PTH2R: variants seen among roughly 807,000 people sequenced by gnomAD.
PTH2R encodes PTH2 receptor.
A neutral mutation model predicts 60.3 loss-of-function variants in PTH2R; 59 were observed. The observed-to-expected ratio is 0.98, with a 90% CI of 0.79 to 1.22. The LOEUF (loss-of-function observed/expected upper bound fraction) is 1.22, where lower values mean the gene tolerates loss of function less well. PTH2R is among the 50% of genes most tolerant of loss of function. PTH2R has a pLI of 0.00. For missense variants in PTH2R, 749 were observed against 682.6 expected, an observed-to-expected ratio of 1.10 and a Z score of -1.08; for synonymous variants, 256 against 243.8, an observed-to-expected ratio of 1.05 and a Z score of -0.47.
At chr2:208,434,517 T>C (rs1702035194) in intron 2 of PTH2R, among the ~76,000 whole-genome samples, 1 of 152,226 alleles carries the variant, frequency 6.6e-6, no homozygotes. Flanking sequence ...TTTTAGAGCA[T>C]GAGGAAAAAA....
rs755233195 is a variant in PTH2R at position 208,460,956 on chromosome 2, T to G, written c.981+995T>G. ...ACTTTGTCAGAAGGGCAGCTATTAA[T>G]GTAGTTGAGGTATTGTAACCTCATC... On this transcript the variant is annotated intron_variant, in intron 9 of 12. Transcript: ENST00000272847. Among the ~76,000 whole-genome samples, 6 of 152,262 alleles carry G rather than the reference T, an allele frequency of 3.9e-5. No individual in the cohort carries two copies. In the South Asian group the frequency reaches 1.2e-3, roughly 32 times the overall value.
At chr2:208,399,919 C>T (rs1701277036) in intron 1 of PTH2R, among the ~76,000 whole-genome samples, 1 of 152,104 alleles carries the variant, frequency 6.6e-6, no homozygotes, top group African/African-American at 2.4e-5. Flanking sequence ...TTTTCCTTCC[C>T]AGCATGTAGT....
intron 1 of PTH2R, among the ~76,000 whole-genome samples, chr2:208,370,311 C>T (rs1025640075): frequency 3.3e-5 from 5 of 151,344 alleles, no homozygotes; most frequent in South Asian, 2.1e-4. Flanking sequence ...GGCATGGTGG[C>T]GGGCACCTGT....
chr2:208,467,442 T>C (rs547682501), intron 9 of PTH2R, among the ~76,000 whole-genome samples: 72 of 152,262 alleles, frequency 4.7e-4, no homozygotes, highest in Non-Finnish European at 7.2e-4. Context: ...TGCTAAGAGA[T>C]TGCAAAGAGA....
Position 208,437,587 on chromosome 2 carries a change from A to G in PTH2R, c.229A>G (p.Thr77Ala). 1.2e-6 allele frequency: 2 copies of G among 1,613,844 alleles called. No homozygotes were observed. The highest frequency in any genetic ancestry group is 1.7e-6 in the Non-Finnish European group (2 of 1,179,866). ...WDGLICWPRG[T>A]VGKISAVPCP... is the part of the protein sequence containing the mutation. ...TGGACTCATTTGTTGGCCCAGAGGAACAGTGGGGAAAATATCGGCTGTTCC... is the reference window on the plus strand; with the variant it reads ...TGGACTCATTTGTTGGCCCAGAGGAGCAGTGGGGAAAATATCGGCTGTTCC... Residue 77 changes from threonine (T) to alanine (A), a missense_variant, in exon 3 of 13, where the codon ACA (threonine) becomes GCA (alanine). Physicochemically the swap from Thr to Ala is moderately conservative, Grantham distance 58. Coordinates refer to ENST00000272847, the MANE Select transcript of PTH2R (RefSeq NM_005048.4).
At chr2:208,474,172 T>G (rs1373419782) in intron 9 of PTH2R, among the ~76,000 whole-genome samples, 1 of 152,212 alleles carries the variant, frequency 6.6e-6, no homozygotes, top group Non-Finnish European at 1.5e-5. Flanking sequence ...AAATTGGATA[T>G]TGTAATATCT....
At chr2:208,366,745 T>C (rs1700600947) in intron 1 of PTH2R, among the ~76,000 whole-genome samples, 1 of 152,234 alleles carries the variant, frequency 6.6e-6, no homozygotes, top group Non-Finnish European at 1.5e-5. Context: ...AAATAAAGTT[T>C]AGCATGAAGC....
At chr2:208,376,618 C>T (rs1331923454) in intron 1 of PTH2R, among the ~76,000 whole-genome samples, 1 of 151,982 alleles carries the variant, frequency 6.6e-6, no homozygotes, top group Non-Finnish European at 1.5e-5. Context: ...CTTCCTAGCC[C>T]ACACAATTAA....
At chr2:208,360,268 C>G (rs1026581854) in intron 1 of PTH2R, 1 of 422,634 alleles carries the variant, frequency 2.4e-6, no homozygotes, top group South Asian at 1.7e-5. Context: ...GTTCTCCCGC[C>G]TTCTGCGTGA....
At chr2:208,404,723 C>A (rs548268235), upstream of PTH2R, among the ~76,000 whole-genome samples, 7 of 152,206 alleles carry the variant, frequency 4.6e-5, no homozygotes, top group African/African-American at 1.7e-4. Context: ...AAAACCCTCG[C>A]CTTGGGGAGT....
At chr2:208,485,555 C>T (rs996288046) in intron 10 of PTH2R, among the ~76,000 whole-genome samples, 1 of 152,200 alleles carries the variant, frequency 6.6e-6, no homozygotes, top group Admixed American at 6.5e-5. Context: ...AGACCCATGA[C>T]CCATGTACAC....
At chr2:208,376,882 A>AT (rs924071846) in intron 1 of PTH2R, among the ~76,000 whole-genome samples, 31 of 150,206 alleles carry the variant, frequency 2.1e-4, no homozygotes, top group Admixed American at 1.2e-3. Context: ...TAATTAATTA[A>AT]TTTTTTTTTA....
chr2:208,459,793 G>T, intron 8 of PTH2R, 102 bp from the exon 9 acceptor site: 1 of 877,554 alleles, frequency 1.1e-6, no homozygotes, highest in Non-Finnish European at 1.9e-6. Context: ...TTTCTTAATT[G>T]GAAGTGTGGG....
In PTH2R at chr2:208,477,406, C is replaced by G. The variant is rs541485221; in HGVS notation, c.982-3664C>G. Among the ~76,000 whole-genome samples the G allele has an allele frequency of 4.6e-5, 7 of 152,264 alleles. 1 individual carries two copies. In the South Asian group the frequency reaches 1.5e-3, roughly 32 times the overall value. On this transcript the variant is annotated intron_variant, in intron 9 of 12. Coordinates refer to ENST00000272847, the MANE Select transcript of PTH2R (RefSeq NM_005048.4). ...GCCTGAGCAGCCGGCACTTCCATGG[C>G]TGAAATGTTTTCTTTGTTTTAGTTC...
intron 1 of PTH2R, among the ~76,000 whole-genome samples, chr2:208,365,199 C>T (rs1172702831): frequency 6.6e-6 from 1 of 152,032 alleles, no homozygotes. Flanking sequence ...AGTTCCAATA[C>T]TCTGTTGAAT....
At chr2:208,402,798 CTG>C (rs1357721461), upstream of PTH2R, among the ~76,000 whole-genome samples, 2 of 152,138 alleles carry the variant, frequency 1.3e-5, no homozygotes, top group Non-Finnish European at 2.9e-5. Context: ...GAACTTATCT[CTG>C]TGGGGAAATG....
At chr2:208,363,716 CATATG>C (rs1214230785) in intron 1 of PTH2R, among the ~76,000 whole-genome samples, 2 of 152,112 alleles carry the variant, frequency 1.3e-5, no homozygotes, top group Non-Finnish European at 2.9e-5. Flanking sequence ...CATTCTGACT[CATATG>C]AGATCGTATC....
chr2:208,417,108 G>A (rs1328297622), intron 1 of PTH2R, among the ~76,000 whole-genome samples: 1 of 152,058 alleles, frequency 6.6e-6, no homozygotes, highest in Non-Finnish European at 1.5e-5. Context: ...TTGATCTTTG[G>A]TACTTTTGTT....
chr2:208,416,158 G>C (rs1366459751), intron 1 of PTH2R, among the ~76,000 whole-genome samples: 1 of 152,024 alleles, frequency 6.6e-6, no homozygotes, highest in East Asian at 1.9e-4. Context: ...AGTCTGTGTG[G>C]GAGAACATTT....
Sources: gnomAD v4.1 joint callset for allele counts (sites outside exome capture counted in the v4.1 genomes callset) on GRCh38, gnomAD v4.1.1 for gene constraint, MANE v1.5 for transcripts, NCBI Gene and HGNC (gene_info 2026-07-23, HGNC 2026-07-21) for gene names.